Variants in SHB observed in about 807,000 individuals in gnomAD.
SHB encodes the protein SH2 domain containing adaptor protein B.
In SHB, 20 loss-of-function variants were observed where a neutral mutation model predicts 52.3. The ratio of observed to expected loss-of-function variants is 0.38; its 90% CI spans 0.27 to 0.56. The LOEUF is 0.56. Ranked by LOEUF, SHB falls within the 20% of genes least tolerant of loss-of-function variation. The pLI is 0.71. For missense variants in SHB, 825 were observed against 723.3 expected (o/e 1.14, Z -1.61); for synonymous variants, 397 against 316.5 (o/e 1.25, Z -2.70).
chr9:37,985,816 G>A (rs1288134682), intron 2 of SHB, among the ~76,000 whole-genome samples: 3 of 151,890 alleles, frequency 2.0e-5, no homozygotes, highest in African/African-American at 4.8e-5. Context: ...CAGGAGAATC[G>A]GGACACCACC....
chr9:37,955,924 T>C lies in SHB; in HGVS notation c.1185A>G (p.Leu395=). The C allele has an allele frequency of 1.2e-6, 2 of 1,613,762 alleles. No homozygotes were observed. The highest frequency in any genetic ancestry group is 1.1e-5 in the South Asian group (1 of 90,844). ...KHGSPEFCGI[L]GERVDPAVPL... ...GGACGGCAGGATCCACCCTTTCTCC[T>C]AGGATCCCGCAGAACTCAGGGCTCC... The change falls in exon 4 of 6, where the codon CTA becomes CTG. Residue 395 remains leucine (L), a synonymous_variant. Coordinates refer to ENST00000377707, the MANE Select transcript of SHB (RefSeq NM_003028.3).
intron 5 of SHB, among the ~76,000 whole-genome samples, chr9:37,929,164 T>C (rs1832284933): frequency 2.0e-5 from 3 of 152,190 alleles, no homozygotes; most frequent in Non-Finnish European, 4.4e-5. Context: ...GGTCCTCATC[T>C]GGGAAGTAGA....
intron 3 of SHB, among the ~76,000 whole-genome samples, chr9:37,969,491 C>T (rs1820568144): frequency 6.6e-6 from 1 of 152,208 alleles, no homozygotes; most frequent in Non-Finnish European, 1.5e-5. Flanking sequence ...CAAATCTCAC[C>T]AAGACCCTTC....
chr9:38,059,156 A>T (rs1415766370), intron 1 of SHB, among the ~76,000 whole-genome samples: 2 of 152,222 alleles, frequency 1.3e-5, no homozygotes, highest in African/African-American at 4.8e-5. Context: ...AGGACTTGGC[A>T]TGGGCTCTCA....
intron 1 of SHB, among the ~76,000 whole-genome samples, chr9:38,026,195 TGTGCAATGTG>T (rs1821340154): frequency 6.6e-6 from 1 of 152,242 alleles, no homozygotes; most frequent in South Asian, 2.1e-4. Flanking sequence ...AGGCCTTTCC[TGTGCAATGTG>T]GTACCTTTCA....
At chr9:38,032,791 C>T (rs921499009) in intron 1 of SHB, among the ~76,000 whole-genome samples, 3 of 152,206 alleles carry the variant, frequency 2.0e-5, no homozygotes, top group Non-Finnish European at 4.4e-5. Flanking sequence ...AGAATGAGCA[C>T]CAGCGTTGTT....
In SHB at chr9:38,030,788, A is replaced by T. The variant is rs534772988; in HGVS notation, c.718-14657T>A. Among the ~76,000 whole-genome samples, 101 of 152,274 alleles carry T rather than the reference A, an allele frequency of 6.6e-4. 1 individual carries two copies. In the South Asian group the frequency reaches 0.02, roughly 30 times the overall value. On this transcript the variant is annotated intron_variant, in intron 1 of 5. Transcript: ENST00000377707. ...CAAACACCAACATCCAGAAGTTTCC[A>T]TGGGGAGCTTGAGGCCCAGACTGTA... is the stretch of plus-strand genomic sequence containing the variant.
At chr9:37,958,954 C>T (rs1231318748) in intron 3 of SHB, among the ~76,000 whole-genome samples, 1 of 152,202 alleles carries the variant, frequency 6.6e-6, no homozygotes, top group East Asian at 1.9e-4. Context: ...CAGGGGAGAG[C>T]ACTGGGGCTA....
chr9:37,945,227 A>G (rs1265756047), intron 5 of SHB, among the ~76,000 whole-genome samples: 1 of 152,178 alleles, frequency 6.6e-6, no homozygotes, highest in African/African-American at 2.4e-5. Flanking sequence ...AGTGTCAAGA[A>G]TGCCATTCCC....
chr9:38,060,393 T>G (rs1264827006), intron 1 of SHB, among the ~76,000 whole-genome samples: 3 of 152,180 alleles, frequency 2.0e-5, no homozygotes, highest in Non-Finnish European at 2.9e-5. Flanking sequence ...CAGGCTGGTC[T>G]CCAACTCCCG....
intron 3 of SHB, among the ~76,000 whole-genome samples, chr9:37,971,694 C>T (rs528098999): frequency 6.6e-6 from 1 of 152,336 alleles, no homozygotes; most frequent in African/African-American, 2.4e-5. Flanking sequence ...AGCCCAATAA[C>T]TCAGACTGAC....
intron 1 of SHB, among the ~76,000 whole-genome samples, chr9:38,058,491 G>A (rs1821848670): frequency 6.6e-6 from 1 of 152,162 alleles, no homozygotes; most frequent in African/African-American, 2.4e-5. Flanking sequence ...ATCACCTGCT[G>A]TCAAAGCCCT....
chr9:38,013,437 A>G (rs543235356), intron 2 of SHB, among the ~76,000 whole-genome samples: 2 of 151,998 alleles, frequency 1.3e-5, no homozygotes, highest in Admixed American at 1.3e-4. Flanking sequence ...CCCCGTCTCT[A>G]CTAAAACTAC....
At position 37,927,936 on chromosome 9, in the gene SHB, CTT is replaced by C. The variant is rs200092630; in HGVS notation, c.1347-7934_1347-7933del. On this transcript the variant is annotated intron_variant, in intron 5 of 5. Transcript: ENST00000377707. ...TAGGGCTTCTTTCTTTCCTTCCTCT[CTT>C]TCTCTTTCTCTCTTTTTTTTTTTTC... Among the ~76,000 whole-genome samples the C allele has an allele frequency of 3.5e-3, 523 of 150,148 alleles. 5 individuals carry two copies. The highest frequency in any genetic ancestry group is 0.012 in the African/African-American group (501 of 41,164).
Position 37,959,938 on chromosome 9 carries a change from A to G in SHB, c.1055-3884T>C, listed in dbSNP as rs1375208385. Among the ~76,000 whole-genome samples the G allele has an allele frequency of 2.0e-5, 3 of 152,332 alleles. No individual in the cohort carries two copies. The East Asian group carries it at 5.8e-4, about 29-fold the overall frequency. Reference sequence around the variant, plus strand: ...TTACCGGCAACATAACAGGTGCTCAATAAGTGATTAAATGAAGAAACTTAA... The same window carrying G: ...TTACCGGCAACATAACAGGTGCTCAGTAAGTGATTAAATGAAGAAACTTAA... On this transcript the variant is annotated intron_variant, in intron 3 of 5. Transcript: ENST00000377707.
intron 1 of SHB, among the ~76,000 whole-genome samples, chr9:38,049,627 A>T (rs982070732): frequency 1.3e-5 from 2 of 149,536 alleles, no homozygotes; most frequent in African/African-American, 5.0e-5. Context: ...AACAAACAAA[A>T]AACAAAGCAA....
chr9:38,015,382 A>G lies in SHB; in HGVS notation c.838+629T>C, dbSNP rs1253723057. ...CCCAGGATGCTGCATACCCAGCCAC[A>G]TTCTTCTTGACTCCACACAATTGCT... On this transcript the variant is annotated intron_variant, in intron 2 of 5. Transcript: ENST00000377707. 1.0e-5 allele frequency: 7 copies of G among 702,652 alleles called. No homozygotes were observed. In the East Asian group the frequency reaches 1.9e-4, roughly 19 times the overall value. The allele number at this position is 702,652 out of a possible 1,614,324, so 43.5% of individuals were successfully genotyped here. A position where few individuals can be genotyped will look rare whatever the true frequency, so the allele number is the denominator to read the frequency against.
intron 1 of SHB, among the ~76,000 whole-genome samples, chr9:38,038,125 G>A (rs1308520607): frequency 2.0e-5 from 3 of 152,138 alleles, no homozygotes; most frequent in Non-Finnish European, 4.4e-5. Flanking sequence ...GTCCGGCTCT[G>A]CCCTCCCCAT....
intron 1 of SHB, among the ~76,000 whole-genome samples, chr9:38,032,809 T>C (rs1293105624): frequency 6.6e-6 from 1 of 152,214 alleles, no homozygotes; most frequent in Admixed American, 6.5e-5. Context: ...GTTTTGAAGT[T>C]GTCCCCATGG....
Sources: gnomAD v4.1 joint callset for allele counts (sites outside exome capture counted in the v4.1 genomes callset) on GRCh38, gnomAD v4.1.1 for gene constraint, MANE v1.5 for transcripts, NCBI Gene and HGNC (gene_info 2026-07-23, HGNC 2026-07-21) for gene names.